The following CTNND2 variants were observed in gnomAD, a reference collection of about 807,000 sequenced individuals.
The protein encoded by CTNND2 is catenin delta-2.
CTNND2 carries 22 observed loss-of-function variants against 144.4 expected under a neutral mutation model. That is an observed-to-expected ratio of 0.15 (90% CI 0.11 to 0.22). CTNND2 has a LOEUF of 0.22. Ranked by LOEUF, CTNND2 falls within the 10% of genes least tolerant of loss-of-function variation. CTNND2 has a pLI of 1.00. For missense variants in CTNND2, 1,353 were observed against 1,618.8 expected, an observed-to-expected ratio of 0.84 and a Z score of 2.82; for synonymous variants, 751 against 695.6, an observed-to-expected ratio of 1.08 and a Z score of -1.25.
rs187192147 is a variant in CTNND2 at position 11,135,009 on chromosome 5, C to T, written c.2160-17442G>A. Among the ~76,000 whole-genome samples the T allele has an allele frequency of 1.1e-3, 175 of 152,300 alleles. 1 individual carries two copies. In the East Asian group the frequency reaches 0.015, roughly 13 times the overall value. On this transcript the variant is annotated intron_variant, in intron 12 of 21. Transcript: ENST00000304623. Reference sequence around the variant, plus strand: ...TTAGTTCCATTGTCTATCTTCACTGCGCTAAGTGCTGCAATCAAAGGACTT... The same window carrying T: ...TTAGTTCCATTGTCTATCTTCACTGTGCTAAGTGCTGCAATCAAAGGACTT...
At chr5:11,304,999 T>C (rs1365147078) in intron 9 of CTNND2, among the ~76,000 whole-genome samples, 1 of 152,178 alleles carries the variant, frequency 6.6e-6, no homozygotes. Context: ...CGGCATTGCA[T>C]CCACTGAGCC....
At chr5:11,109,680 A>G (rs1292979209) in intron 14 of CTNND2, among the ~76,000 whole-genome samples, 8 of 152,230 alleles carry the variant, frequency 5.3e-5, no homozygotes, top group Non-Finnish European at 7.3e-5. Context: ...GAAAAAAACC[A>G]TACACTTTTA....
intron 2 of CTNND2, among the ~76,000 whole-genome samples, chr5:11,620,157 T>C (rs1402797478): frequency 1.3e-5 from 2 of 152,202 alleles, no homozygotes; most frequent in African/African-American, 2.4e-5. Context: ...GGTATCCTAA[T>C]CATCCTTTTT....
chr5:11,415,380 G>A (rs1348818317), intron 3 of CTNND2, among the ~76,000 whole-genome samples: 1 of 152,140 alleles, frequency 6.6e-6, no homozygotes, highest in Non-Finnish European at 1.5e-5. Flanking sequence ...GAAGCAGGGG[G>A]ATGGTTTGAG....
rs575099306 is a variant in CTNND2, at chr5:10,991,164, T to C, written c.3211+1387A>G. On this transcript the variant is annotated intron_variant, in intron 19 of 21. Transcript: ENST00000304623. Reference sequence around the variant, plus strand: ...GACAGTACACTAGAAGGATCAGCTTTCACAGAGCTGGGAGCGGGCCATTTA... The same window carrying C: ...GACAGTACACTAGAAGGATCAGCTTCCACAGAGCTGGGAGCGGGCCATTTA... Among the ~76,000 whole-genome samples the C allele has an allele frequency of 7.2e-5, 11 of 152,322 alleles. No homozygotes were observed. The South Asian group carries it at 1.9e-3, about 26-fold the overall frequency.
rs542394086 is a variant in CTNND2, at chr5:11,513,835, TGAGA to T, written c.287+51105_287+51108del. Among the ~76,000 whole-genome samples, 343 of 152,000 alleles carry T rather than the reference TGAGA, an allele frequency of 2.3e-3. 2 individuals carry two copies. Among genetic ancestry groups the T allele is most frequent in the African/African-American group, 7.8e-3 (325 of 41,452 alleles). ...ACATAGCCACACCTCAATAATCTAA[TGAGA>T]GAGAGAGATAATATTAACAAGTATT... On this transcript the variant is annotated intron_variant, in intron 3 of 21. Transcript: ENST00000304623.
intron 1 of CTNND2, among the ~76,000 whole-genome samples, chr5:11,843,807 A>G (rs954851632): frequency 6.6e-5 from 10 of 152,160 alleles, no homozygotes; most frequent in Admixed American, 2.6e-4. Context: ...ATCAGAAAAA[A>G]ACTCATTTTT....
At chr5:11,843,992 A>T (rs1262141082) in intron 1 of CTNND2, among the ~76,000 whole-genome samples, 4 of 152,216 alleles carry the variant, frequency 2.6e-5, no homozygotes, top group Non-Finnish European at 5.9e-5. Flanking sequence ...TTAAGAAAAC[A>T]ATTTAGATTC....
chr5:11,903,676 A>T lies in CTNND2; in HGVS notation c.37+141T>A. ...CCTGGCGCGATCGCGGTCCTCCCCG[A>T]GGCAGGCAGAAACCCCGCAGCAGCC... On this transcript the variant is annotated intron_variant, in intron 1 of 21. Coordinates refer to ENST00000304623, the MANE Select transcript of CTNND2 (RefSeq NM_001332.4). The surrounding 1 kb of genome is among the most constrained non-coding windows in gnomAD (Gnocchi z 5.4). The T allele has an allele frequency of 1.1e-6, 1 of 901,418 alleles. No individual in the cohort carries two copies. 55.8% of individuals were successfully genotyped at this position (901,418 alleles called of 1,614,324 possible).
At chr5:11,779,006 A>G (rs570419571) in intron 1 of CTNND2, among the ~76,000 whole-genome samples, 17 of 152,322 alleles carry the variant, frequency 1.1e-4, no homozygotes, top group Admixed American at 5.9e-4. Context: ...CTTTAAACAT[A>G]TCTTTAAAAT....
chr5:11,075,986 A>G (rs1398354792), intron 16 of CTNND2, among the ~76,000 whole-genome samples: 1 of 152,220 alleles, frequency 6.6e-6, no homozygotes, highest in Non-Finnish European at 1.5e-5. Context: ...CCACCAGTTA[A>G]TTCATTCAGC....
At position 11,384,036 on chromosome 5, in the gene CTNND2, C is replaced by T. The variant is rs980018669; in HGVS notation, c.1177+629G>A. Among the ~76,000 whole-genome samples the T allele has an allele frequency of 2.6e-5, 4 of 152,174 alleles. No individual in the cohort carries two copies. The highest frequency in any genetic ancestry group is 5.9e-5 in the Non-Finnish European group (4 of 68,042). ...ACAAATTTAAGGGACTTCATCATTG[C>T]TAACTTTGTCGCAAATGTTAGGACC... On this transcript the variant is annotated intron_variant, in intron 7 of 21. Coordinates refer to ENST00000304623, the MANE Select transcript of CTNND2 (RefSeq NM_001332.4). The surrounding 1 kb of genome is among the most constrained non-coding windows in gnomAD (Gnocchi z 5.2).
intron 10 of CTNND2, among the ~76,000 whole-genome samples, chr5:11,223,681 T>A (rs918038984): frequency 2.6e-5 from 4 of 152,148 alleles, no homozygotes; most frequent in Admixed American, 6.5e-5. Flanking sequence ...ATTTGGCACC[T>A]CACACAGAAC....
At chr5:11,518,001 G>C (rs1447872760) in intron 3 of CTNND2, among the ~76,000 whole-genome samples, 2 of 152,092 alleles carry the variant, frequency 1.3e-5, no homozygotes, top group Non-Finnish European at 2.9e-5. Flanking sequence ...AGAGTGGAAA[G>C]GTGGTTACCG....
chr5:11,185,366 A>C (rs968632483), intron 11 of CTNND2, among the ~76,000 whole-genome samples: 1 of 152,144 alleles, frequency 6.6e-6, no homozygotes, highest in African/African-American at 2.4e-5. Flanking sequence ...GTCTACCCTG[A>C]CTGAGCAACC....
intron 16 of CTNND2, among the ~76,000 whole-genome samples, chr5:11,082,410 CAG>C (rs1398617870): frequency 6.6e-6 from 1 of 152,182 alleles, no homozygotes; most frequent in East Asian, 1.9e-4. Context: ...AACAGCCTGT[CAG>C]AGATTCAGAG....
intron 16 of CTNND2, among the ~76,000 whole-genome samples, chr5:11,043,933 T>C (rs1243803699): frequency 6.6e-6 from 1 of 152,204 alleles, no homozygotes; most frequent in African/African-American, 2.4e-5. Context: ...CTTCTGAAAT[T>C]GCAATTTTTG....
At chr5:11,720,214 TA>T (rs370050857) in intron 2 of CTNND2, among the ~76,000 whole-genome samples, 3 of 151,790 alleles carry the variant, frequency 2.0e-5, no homozygotes, top group African/African-American at 7.3e-5. Flanking sequence ...TTTTTTCCAT[TA>T]AAAAAAAGTC....
In CTNND2 at chr5:11,130,373, GT is replaced by G. The variant is rs942650870; in HGVS notation, c.2160-12807del. Among the ~76,000 whole-genome samples the G allele has an allele frequency of 2.8e-4, 43 of 152,264 alleles. 1 individual carries two copies. Among genetic ancestry groups the G allele is most frequent in the Admixed American group, 2.6e-3 (40 of 15,292 alleles). ...ACTGCCTGGATCCGTGCCTTCTGGA[GT>G]TAGCCATGCATCAGGGAACATTGTT... On this transcript the variant is annotated intron_variant, in intron 12 of 21. Transcript: ENST00000304623.
Sources: allele counts gnomAD v4.1 joint callset (sites outside exome capture counted in the v4.1 genomes callset), GRCh38; gene constraint gnomAD v4.1.1; non-coding constraint Gnocchi (gnomAD v3.1); transcripts MANE v1.5; gene names NCBI Gene and HGNC (gene_info 2026-07-23, HGNC 2026-07-21).